Variants in SYN3 observed in about 807,000 individuals in gnomAD.
SYN3 encodes the protein synapsin III.
A neutral mutation model predicts 65.8 loss-of-function variants in SYN3; 35 were observed. That is an observed-to-expected ratio of 0.53 (90% CI 0.41 to 0.70). SYN3 has a LOEUF of 0.70. SYN3 is among the 30% of genes least tolerant of loss of function. The probability of loss-of-function intolerance (pLI) is 0.00; values close to 1 mark genes in which losing one functional copy is unlikely to be tolerated. For missense variants in SYN3, 680 were observed against 749.0 expected (o/e 0.91, Z 1.08); for synonymous variants, 270 against 292.9 (o/e 0.92, Z 0.80).
At chr22:32,973,262 A>T (rs1449203226) in intron 3 of SYN3, among the ~76,000 whole-genome samples, 1 of 152,188 alleles carries the variant, frequency 6.6e-6, no homozygotes, top group African/African-American at 2.4e-5. Context: ...CATTGCATTT[A>T]AAACTTCTCT....
intron 6 of SYN3, among the ~76,000 whole-genome samples, chr22:32,699,103 G>A (rs2060776950): frequency 6.6e-6 from 1 of 152,228 alleles, no homozygotes; most frequent in African/African-American, 2.4e-5. Context: ...TTCCCACAGA[G>A]CTTGGCCCAG....
At position 32,866,595 on chromosome 22, in the gene SYN3, A is replaced by T. The variant is rs2048695329; in HGVS notation, c.622-1591T>A. Among the ~76,000 whole-genome samples, 4 of 152,182 alleles carry T rather than the reference A, an allele frequency of 2.6e-5. No individual in the cohort carries two copies. The South Asian group carries it at 8.3e-4, about 32-fold the overall frequency. ...AAGGGTGCTAAGAATTAAACACAATATGCACGTTAAGGGCTCAGGATAGCA... is the reference window on the plus strand; with the variant it reads ...AAGGGTGCTAAGAATTAAACACAATTTGCACGTTAAGGGCTCAGGATAGCA... On this transcript the variant is annotated intron_variant, in intron 5 of 13. Transcript: ENST00000358763.
chr22:32,963,734 G>A (rs2051733469), intron 3 of SYN3, among the ~76,000 whole-genome samples: 1 of 152,188 alleles, frequency 6.6e-6, no homozygotes, highest in African/African-American at 2.4e-5. Context: ...TGCCAGGTTA[G>A]GAAGGGCCCT....
chr22:32,931,232 T>A (rs748430094), intron 4 of SYN3, 158 bp downstream of exon 4: 26 of 594,076 alleles, frequency 4.4e-5, no homozygotes, highest in Non-Finnish European at 7.4e-5. Flanking sequence ...GTGCCGCTGG[T>A]CATTACTACT....
chr22:32,508,722 A>G lies in SYN3; in HGVS notation c.*4970T>C, dbSNP rs2057659427. Reference sequence around the variant, plus strand: ...CTTAGAAAAACATCTTTTTACTTCAATCTTAATACTTTTGTTTGGATTTTA... The same window carrying G: ...CTTAGAAAAACATCTTTTTACTTCAGTCTTAATACTTTTGTTTGGATTTTA... On this transcript the variant is annotated 3_prime_UTR_variant, in exon 14 of 14. Coordinates refer to ENST00000358763, the MANE Select transcript of SYN3 (RefSeq NM_003490.4). Among the ~76,000 whole-genome samples the G allele has an allele frequency of 6.6e-6, 1 of 152,104 alleles. No homozygotes were observed. Among genetic ancestry groups the G allele is most frequent in the Non-Finnish European group, 1.5e-5 (1 of 68,022 alleles).
At chr22:32,732,920 TG>T (rs2061289117) in intron 6 of SYN3, among the ~76,000 whole-genome samples, 1 of 152,160 alleles carries the variant, frequency 6.6e-6, no homozygotes, top group Non-Finnish European at 1.5e-5. Context: ...TATTATCCTT[TG>T]GAAAAAATCA....
chr22:32,591,625 G>A (rs754885447), intron 7 of SYN3, among the ~76,000 whole-genome samples: 6 of 152,058 alleles, frequency 3.9e-5, no homozygotes. Flanking sequence ...TTATCACCAC[G>A]GCTTCCTCTG....
At position 32,529,011 on chromosome 22, in the gene SYN3, G is replaced by A. The variant is rs2058027475; in HGVS notation, c.1096-3C>T. The A allele has an allele frequency of 1.2e-6, 2 of 1,613,814 alleles. No homozygotes were observed. Among genetic ancestry groups the A allele is most frequent in the Non-Finnish European group, 1.7e-6 (2 of 1,180,022 alleles). ...AGCGGCATTGAGCTGTCCATTACCT[G>A]TGGGGAGGAAGGGAGAGCTGAGGGA... is the stretch of plus-strand genomic sequence containing the variant. On this transcript the variant is annotated splice_polypyrimidine_tract_variant and splice_region_variant and intron_variant, in intron 10 of 13. Transcript: ENST00000358763.
chr22:32,853,100 C>A (rs1471303308), intron 6 of SYN3, among the ~76,000 whole-genome samples: 1 of 152,184 alleles, frequency 6.6e-6, no homozygotes, highest in Non-Finnish European at 1.5e-5. Flanking sequence ...GTTTGTCTAA[C>A]CAAATGAGCA....
chr22:32,687,454 C>T (rs1387146237), intron 6 of SYN3, among the ~76,000 whole-genome samples: 13 of 151,924 alleles, frequency 8.6e-5, no homozygotes, highest in South Asian at 2.1e-4. Context: ...ATGAGCACCA[C>T]GCCCGGCCGG....
intron 3 of SYN3, among the ~76,000 whole-genome samples, chr22:32,950,327 G>T (rs898527160): frequency 3.3e-5 from 5 of 152,094 alleles, no homozygotes; most frequent in Non-Finnish European, 5.9e-5. Flanking sequence ...TTAGTCTACT[G>T]GTCAGGAATC....
chr22:32,961,955 C>G (rs2051667500), intron 3 of SYN3, among the ~76,000 whole-genome samples: 1 of 152,054 alleles, frequency 6.6e-6, no homozygotes, highest in South Asian at 2.1e-4. Flanking sequence ...TAACAGGAGG[C>G]AAAGCCACGA....
At chr22:32,942,321 T>C (rs777742138) in intron 3 of SYN3, among the ~76,000 whole-genome samples, 2 of 152,214 alleles carry the variant, frequency 1.3e-5, no homozygotes, top group African/African-American at 2.4e-5. Context: ...CTGCTGCTGA[T>C]ACCCAGGCAA....
At chr22:32,984,414 G>A (rs1195256153) in intron 2 of SYN3, among the ~76,000 whole-genome samples, 3 of 152,114 alleles carry the variant, frequency 2.0e-5, no homozygotes, top group Admixed American at 2.0e-4. Flanking sequence ...GAGGCTCCTG[G>A]TGCGGGTATG....
At chr22:32,730,492 A>G (rs2061255904) in intron 6 of SYN3, among the ~76,000 whole-genome samples, 1 of 152,212 alleles carries the variant, frequency 6.6e-6, no homozygotes. Flanking sequence ...GATTTCCTAC[A>G]TAACTTGATG....
At chr22:32,885,512 T>A (rs1050340826) in intron 4 of SYN3, among the ~76,000 whole-genome samples, 1 of 152,026 alleles carries the variant, frequency 6.6e-6, no homozygotes, top group Non-Finnish European at 1.5e-5. Flanking sequence ...TCCAGAATCC[T>A]CCCGGCAGGT....
intron 2 of SYN3, among the ~76,000 whole-genome samples, chr22:32,989,627 G>A (rs12373961): frequency 0.053 from 8,098 of 151,984 alleles, 699 homozygotes; most frequent in African/African-American, 0.18. Flanking sequence ...CTGAGGTCAG[G>A]AGTTCAAGAC....
chr22:32,826,700 C>G (rs1202437712), intron 6 of SYN3, among the ~76,000 whole-genome samples: 1 of 152,162 alleles, frequency 6.6e-6, no homozygotes, highest in Admixed American at 6.5e-5. Flanking sequence ...CCTATTTGAG[C>G]TGGAATAAAA....
At chr22:32,693,093 T>C (rs1319341919) in intron 6 of SYN3, among the ~76,000 whole-genome samples, 1 of 152,178 alleles carries the variant, frequency 6.6e-6, no homozygotes, top group African/African-American at 2.4e-5. Flanking sequence ...ATATATACTA[T>C]GTTTTTCCAA....
Sources: allele counts gnomAD v4.1 joint callset (sites outside exome capture counted in the v4.1 genomes callset), GRCh38; gene constraint gnomAD v4.1.1; transcripts MANE v1.5; gene names NCBI Gene and HGNC (gene_info 2026-07-23, HGNC 2026-07-21).